Variants in PHACTR1 observed in about 807,000 individuals in gnomAD.
PHACTR1 encodes phosphatase and actin regulator 1.
Under a neutral mutation model 69.2 loss-of-function variants are expected in PHACTR1, and 16 were observed. That is an observed-to-expected ratio of 0.23 (90% CI 0.16 to 0.35). PHACTR1 has a LOEUF of 0.35. PHACTR1 is among the 10% of genes least tolerant of loss of function. The pLI is 1.00. For synonymous variants in PHACTR1, 312 were observed against 284.5 expected, an observed-to-expected ratio of 1.10 and a Z score of -0.97; for missense variants, 510 against 734.7, an observed-to-expected ratio of 0.69 and a Z score of 3.54.
intron 1 of PHACTR1, among the ~76,000 whole-genome samples, 165 bp downstream of exon 1, chr6:12,717,061 T>G (rs909958918): frequency 6.6e-6 from 1 of 152,170 alleles, no homozygotes; most frequent in Non-Finnish European, 1.5e-5. Context: ...TTAAGCTTCT[T>G]CCAGTGACTG....
At chr6:12,946,001 G>C (rs891608099) in intron 4 of PHACTR1, among the ~76,000 whole-genome samples, 6 of 122,624 alleles carry the variant, frequency 4.9e-5, no homozygotes, top group African/African-American at 1.9e-4. Flanking sequence ...ATAAATAAAT[G>C]CTAAAGTTCA....
intron 4 of PHACTR1, among the ~76,000 whole-genome samples, chr6:12,796,212 C>G (rs777676222): frequency 6.6e-6 from 1 of 152,168 alleles, no homozygotes; most frequent in Non-Finnish European, 1.5e-5. Flanking sequence ...CTTTGACTTA[C>G]GTAAGCATGG....
chr6:12,911,128 G>C (rs546780637), intron 4 of PHACTR1, among the ~76,000 whole-genome samples: 1 of 152,264 alleles, frequency 6.6e-6, no homozygotes, highest in Admixed American at 6.5e-5. Context: ...TGCAAAACTG[G>C]TGCTCAGGAA....
chr6:12,830,798 G>A (rs1226570463), intron 4 of PHACTR1, among the ~76,000 whole-genome samples: 1 of 151,716 alleles, frequency 6.6e-6, no homozygotes, highest in Non-Finnish European at 1.5e-5. Context: ...GTTTCATCAT[G>A]TTGGCCAGGC....
At chr6:12,741,779 A>T (rs1765081779) in intron 3 of PHACTR1, among the ~76,000 whole-genome samples, 1 of 151,770 alleles carries the variant, frequency 6.6e-6, no homozygotes, top group African/African-American at 2.4e-5. Context: ...AAAAAAAAAA[A>T]AAAATCACAC....
intron 5 of PHACTR1, among the ~76,000 whole-genome samples, chr6:13,133,497 G>C (rs1191111071): frequency 3.3e-5 from 5 of 152,014 alleles, no homozygotes; most frequent in Non-Finnish European, 7.4e-5. Context: ...GGGTTTCGCC[G>C]TGTTGGCCGG....
chr6:13,149,515 C>A (rs548294000), intron 5 of PHACTR1, among the ~76,000 whole-genome samples: 1 of 152,186 alleles, frequency 6.6e-6, no homozygotes, highest in Non-Finnish European at 1.5e-5. Flanking sequence ...TCTCGTACCT[C>A]ATGGGCCATG....
At chr6:13,210,814 A>C (rs1269956284) in intron 8 of PHACTR1, among the ~76,000 whole-genome samples, 2 of 151,802 alleles carry the variant, frequency 1.3e-5, no homozygotes, top group Admixed American at 6.6e-5. Flanking sequence ...TGGTTTGGGT[A>C]AGTCTGTTTG....
At chr6:13,236,773 C>G (rs1772052754) in intron 10 of PHACTR1, among the ~76,000 whole-genome samples, 1 of 152,128 alleles carries the variant, frequency 6.6e-6, no homozygotes, top group African/African-American at 2.4e-5. Flanking sequence ...AGGATTTCAA[C>G]CTAGAAGTTT....
intron 5 of PHACTR1, among the ~76,000 whole-genome samples, chr6:13,112,991 G>A (rs1817275148): frequency 6.6e-6 from 1 of 152,030 alleles, no homozygotes; most frequent in African/African-American, 2.4e-5. Context: ...GCTTTCCTGG[G>A]TTTTTATGGT....
chr6:13,269,751 T>C (rs944457667), intron 10 of PHACTR1, among the ~76,000 whole-genome samples: 3 of 152,130 alleles, frequency 2.0e-5, no homozygotes, highest in Non-Finnish European at 4.4e-5. Context: ...GGAGAATCGC[T>C]TGAACCCGAG....
At chr6:13,164,882 G>A (rs1002349973) in intron 6 of PHACTR1, among the ~76,000 whole-genome samples, 2 of 151,890 alleles carry the variant, frequency 1.3e-5, no homozygotes, top group East Asian at 1.9e-4. Flanking sequence ...CTCAAATGTC[G>A]ACTGAACCGG....
intron 5 of PHACTR1, among the ~76,000 whole-genome samples, chr6:13,120,628 G>A (rs1231025191): frequency 4.6e-5 from 7 of 152,122 alleles, no homozygotes. Context: ...TTGCTTCCTT[G>A]ACAGACTGTT....
intron 4 of PHACTR1, among the ~76,000 whole-genome samples, chr6:13,026,997 A>T (rs943188732): frequency 1.3e-5 from 2 of 152,220 alleles, no homozygotes; most frequent in Non-Finnish European, 2.9e-5. Context: ...GTTTCTAGGA[A>T]GTACAGATCC....
intron 4 of PHACTR1, among the ~76,000 whole-genome samples, chr6:12,763,839 A>G (rs1768305753): frequency 6.6e-6 from 1 of 152,210 alleles, no homozygotes; most frequent in African/African-American, 2.4e-5. Flanking sequence ...TAACCGTCAC[A>G]GTACTTTGTT....
intron 4 of PHACTR1, among the ~76,000 whole-genome samples, chr6:12,754,128 A>ATTTTTTTTTTTTTT (rs34841058): frequency 2.7e-5 from 3 of 112,428 alleles, no homozygotes; most frequent in Admixed American, 9.9e-5. Flanking sequence ...ACGCCTGGCT[A>ATTTTTTTTTTTTTT]TTTTTTTTTT....
At chr6:12,944,372 T>C (rs1023748706) in intron 4 of PHACTR1, among the ~76,000 whole-genome samples, 5 of 152,178 alleles carry the variant, frequency 3.3e-5, no homozygotes, top group African/African-American at 1.2e-4. Flanking sequence ...CAAAACATAC[T>C]AAGGAGGATA....
chr6:12,963,773 A>T (rs768815361), intron 4 of PHACTR1, among the ~76,000 whole-genome samples: 3 of 152,204 alleles, frequency 2.0e-5, no homozygotes, highest in African/African-American at 4.8e-5. Flanking sequence ...AGCTATTTGG[A>T]TGCAGTGAAC....
chr6:12,884,167 C>G (rs1412785668), intron 4 of PHACTR1, among the ~76,000 whole-genome samples: 1 of 151,902 alleles, frequency 6.6e-6, no homozygotes, highest in Non-Finnish European at 1.5e-5. Flanking sequence ...TACATACATA[C>G]AAACATGTTC....
Sources: allele counts gnomAD v4.1 joint callset (sites outside exome capture counted in the v4.1 genomes callset), GRCh38; gene constraint gnomAD v4.1.1; transcripts MANE v1.5; gene names NCBI Gene and HGNC (gene_info 2026-07-23, HGNC 2026-07-21).